Variants in DNA2 observed in about 807,000 individuals in gnomAD.
DNA2 encodes the protein DNA replication ATP-dependent helicase/nuclease DNA2.
DNA2 carries 101 observed loss-of-function variants against 119.1 expected under a neutral mutation model. The ratio of observed to expected loss-of-function variants is 0.85; its 90% CI spans 0.72 to 1.00. DNA2 has a LOEUF of 1.00. Ranked by LOEUF, DNA2 falls within the 50% of genes least tolerant of loss-of-function variation. DNA2 has a pLI of 0.00. For missense variants in DNA2, 1,121 were observed against 1,255.5 expected (o/e 0.89, Z 1.62); for synonymous variants, 366 against 424.4 (o/e 0.86, Z 1.69).
At chr10:68,417,390 C>CAA (rs1564874679) in intron 19 of DNA2, among the ~76,000 whole-genome samples, 349 of 17,376 alleles carry the variant, frequency 0.02, 3 homozygotes, top group African/African-American at 0.059. Context: ...AATAAGAAAA[C>CAA]CAAAAAAAAA....
rs761877753 is a variant in DNA2 at position 68,446,425 on chromosome 10, T to A, written c.940-12A>T. ...GTGTACAGAACAACCTGTGCAAACATTGACATTTGCTCAAACAAAACTATA... is the reference window on the plus strand; with the variant it reads ...GTGTACAGAACAACCTGTGCAAACAATGACATTTGCTCAAACAAAACTATA... On this transcript the variant is annotated splice_polypyrimidine_tract_variant and intron_variant, in intron 6 of 20. Transcript: ENST00000358410. 6.7e-7 allele frequency: 1 copy of A among 1,503,344 alleles called. No homozygotes were observed. The highest frequency in any genetic ancestry group is 1.2e-5 in the South Asian group (1 of 80,410). 93.1% of individuals were successfully genotyped at this position (1,503,344 alleles called of 1,614,324 possible).
At chr10:68,425,662 A>G (rs1435112482) in intron 14 of DNA2, among the ~76,000 whole-genome samples, 2 of 151,648 alleles carry the variant, frequency 1.3e-5, no homozygotes, top group Non-Finnish European at 2.9e-5. Context: ...CGGCCTCCCA[A>G]AGTGCTAGGA....
chr10:68,465,556 A>G (rs910977780), intron 4 of DNA2, 111 bp downstream of exon 4: 40 of 849,404 alleles, frequency 4.7e-5, no homozygotes, highest in Non-Finnish European at 6.1e-5. Flanking sequence ...TGAAATCTGC[A>G]TTTTAGATTA....
Position 68,450,021 on chromosome 10 carries a change from T to G in DNA2, c.939+7A>C. 2 of 1,534,756 alleles carry G rather than the reference T, an allele frequency of 1.3e-6. No individual in the cohort carries two copies. Among genetic ancestry groups the G allele is most frequent in the South Asian group, 2.4e-5 (2 of 84,846 alleles). ...AAAACAGACAATTTTCTTATTAACA[T>G]TTATACCTGACTACGGTGTTCAATA... is the stretch of plus-strand genomic sequence containing the variant. On this transcript the variant is annotated splice_region_variant and intron_variant, in intron 6 of 20. Transcript: ENST00000358410.
intron 6 of DNA2, among the ~76,000 whole-genome samples, chr10:68,448,431 A>G (rs1343197058): frequency 9.2e-5 from 14 of 152,232 alleles, no homozygotes; most frequent in Admixed American, 8.5e-4. Flanking sequence ...TATTATCAAA[A>G]TTAAAAAGTC....
chr10:68,416,421 A>G (rs1019263602), intron 20 of DNA2, among the ~76,000 whole-genome samples: 1 of 152,180 alleles, frequency 6.6e-6, no homozygotes, highest in Non-Finnish European at 1.5e-5. Context: ...AGCTCTGATC[A>G]TATCACTGCA....
intron 8 of DNA2, 29 bp from the exon 9 acceptor site, chr10:68,443,140 CT>C: frequency 6.6e-7 from 1 of 1,520,452 alleles, no homozygotes; most frequent in Non-Finnish European, 8.8e-7. Context: ...GTTAGAGATG[CT>C]TATAAACCAT....
Position 68,437,135 on chromosome 10 carries a change from G to A in DNA2, c.1522C>T (p.Pro508Ser). 6.2e-7 allele frequency: 1 copy of A among 1,613,772 alleles called. No individual in the cohort carries two copies. Among genetic ancestry groups the A allele is most frequent in the Non-Finnish European group, 8.5e-7 (1 of 1,179,814 alleles). ...HNFQCKHGAIPVTNLMAGDRV... is the reference protein window; with the variant it reads ...HNFQCKHGAISVTNLMAGDRV... Reference sequence around the variant, plus strand: ...TCACCTGCCATTAGATTTGTGACAGGTATGGCACCATGTTTACATTGGAAA... The same window carrying A: ...TCACCTGCCATTAGATTTGTGACAGATATGGCACCATGTTTACATTGGAAA... The change falls in exon 10 of 21, where the codon CCT becomes TCT. Residue 508 changes from proline (P) to serine (S), a missense_variant. Physicochemically the swap from Pro to Ser is moderately conservative, Grantham distance 74. Coordinates refer to ENST00000358410, the MANE Select transcript of DNA2 (RefSeq NM_001080449.3).
In DNA2 at chr10:68,471,646, C is replaced by T. The variant is rs1590080392; in HGVS notation, c.74+145G>A. On this transcript the variant is annotated intron_variant, in intron 1 of 20. Transcript: ENST00000358410. Reference sequence around the variant, plus strand: ...CACCTTGGGAGGCAGGCCCCGACTCCGGAGGCTCGTCGGGTGCCCAGGGAG... The same window carrying T: ...CACCTTGGGAGGCAGGCCCCGACTCTGGAGGCTCGTCGGGTGCCCAGGGAG... 2.0e-5 allele frequency: 20 copies of T among 986,956 alleles called. No homozygotes were observed. The East Asian group carries it at 5.7e-4, about 28-fold the overall frequency. 61.1% of individuals were successfully genotyped at this position (986,956 alleles called of 1,614,324 possible).
At chr10:68,455,676 C>T (rs2052172973) in intron 5 of DNA2, among the ~76,000 whole-genome samples, 1 of 151,988 alleles carries the variant, frequency 6.6e-6, no homozygotes, top group African/African-American at 2.4e-5. Context: ...CAAAAATTAG[C>T]CAGGCGTGGT....
chr10:68,444,396 A>C (rs1161529873), intron 8 of DNA2, among the ~76,000 whole-genome samples: 1 of 151,178 alleles, frequency 6.6e-6, no homozygotes, highest in East Asian at 1.9e-4. Flanking sequence ...TCAAAAAAAT[A>C]AATAAATAAA....
chr10:68,458,323 G>A (rs2052211907), intron 5 of DNA2, among the ~76,000 whole-genome samples: 1 of 152,108 alleles, frequency 6.6e-6, no homozygotes, highest in Non-Finnish European at 1.5e-5. Context: ...CCAGAGGTCA[G>A]GCATTCAAGA....
chr10:68,431,738 G>A, intron 13 of DNA2, 124 bp downstream of exon 13: 1 of 631,382 alleles, frequency 1.6e-6, no homozygotes, highest in Non-Finnish European at 2.8e-6. Flanking sequence ...ATTCTAAAAA[G>A]TTCATTTGAA....
At chr10:68,437,365 G>T in intron 9 of DNA2, 124 bp from the exon 10 acceptor site, 1 of 834,438 alleles carries the variant, frequency 1.2e-6, no homozygotes, top group Non-Finnish European at 1.8e-6. Context: ...GCCGGGTGTG[G>T]TGGCTCACGC....
In DNA2 at chr10:68,455,603, T is replaced by C. The variant is rs576569428; in HGVS notation, c.719+3501A>G. Among the ~76,000 whole-genome samples, 18 of 152,034 alleles carry C rather than the reference T, an allele frequency of 1.2e-4. No homozygotes were observed. The East Asian group carries it at 3.3e-3, about 28-fold the overall frequency. ...TGGGAGGCTGAGGTGGGTGGATCAC[T>C]TGAGGTCAGGAGTTCGAGACCAGCC... On this transcript the variant is annotated intron_variant, in intron 5 of 20. Transcript: ENST00000358410.
intron 2 of DNA2, among the ~76,000 whole-genome samples, chr10:68,469,719 C>G (rs1379027140): frequency 6.6e-6 from 1 of 152,080 alleles, no homozygotes; most frequent in Non-Finnish European, 1.5e-5. Flanking sequence ...CCTGCCTTGG[C>G]CTCCCAAAGT....
chr10:68,444,358 C>G (rs943094085), intron 8 of DNA2, among the ~76,000 whole-genome samples: 12 of 151,432 alleles, frequency 7.9e-5, no homozygotes, highest in Non-Finnish European at 1.3e-4. Flanking sequence ...CCACCGCACT[C>G]CAGCCCTAGT....
chr10:68,425,833 A>C (rs2051733758), intron 14 of DNA2, among the ~76,000 whole-genome samples: 1 of 151,884 alleles, frequency 6.6e-6, no homozygotes, highest in Non-Finnish European at 1.5e-5. Flanking sequence ...AAACCCCAAA[A>C]ACCCAAAAAA....
intron 9 of DNA2, among the ~76,000 whole-genome samples, chr10:68,438,971 T>C (rs1051914943): frequency 7.2e-6 from 1 of 139,754 alleles, no homozygotes; most frequent in Non-Finnish European, 1.5e-5. Context: ...AGGTGGAGGT[T>C]GCAGTGAGCT....
Sources: allele counts gnomAD v4.1 joint callset (sites outside exome capture counted in the v4.1 genomes callset), GRCh38; gene constraint gnomAD v4.1.1; transcripts MANE v1.5; gene names NCBI Gene and HGNC (gene_info 2026-07-23, HGNC 2026-07-21).